Variants in SLC24A2 observed in about 807,000 individuals in gnomAD.
SLC24A2 encodes the protein sodium/potassium/calcium exchanger 2.
In SLC24A2, 36 loss-of-function variants were observed where a neutral mutation model predicts 62.0. The observed-to-expected ratio is 0.58, with a 90% confidence interval of 0.44 to 0.77. SLC24A2 has a LOEUF of 0.77. Among genes scored for constraint, SLC24A2 ranks in the 30% least tolerant of loss-of-function variants. The pLI, the probability that SLC24A2 is intolerant of heterozygous loss-of-function variation, is 0.00. For synonymous variants in SLC24A2, 358 were observed against 294.0 expected (o/e 1.22, Z -2.23); for missense variants, 846 against 817.9 (o/e 1.03, Z -0.42).
the SLC24A2 span, among the ~76,000 whole-genome samples, chr9:20,100,758 A>G: frequency 6.6e-6 from 1 of 152,210 alleles, no homozygotes; most frequent in Non-Finnish European, 1.5e-5. Flanking sequence ...TTCATTTCAC[A>G]GTATTTATTT....
chr9:20,104,147 G>GA, the SLC24A2 span, among the ~76,000 whole-genome samples: 2 of 152,108 alleles, frequency 1.3e-5, no homozygotes, highest in African/African-American at 4.8e-5. Flanking sequence ...GAAGTTTAGA[G>GA]AAAAAATAAT....
chr9:19,924,716 G>A, the SLC24A2 span, among the ~76,000 whole-genome samples: 1 of 152,170 alleles, frequency 6.6e-6, no homozygotes, highest in African/African-American at 2.4e-5. Context: ...GTGAATAAAG[G>A]AGGAGAAAAG....
intron 5 of SLC24A2, among the ~76,000 whole-genome samples, chr9:19,594,354 T>TA (rs1470556786): frequency 6.6e-6 from 1 of 152,210 alleles, no homozygotes; most frequent in Non-Finnish European, 1.5e-5. Flanking sequence ...TTAAAAATAA[T>TA]AAGCTGAATA....
At chr9:19,730,879 GTT>G (rs67718224) in intron 2 of SLC24A2, among the ~76,000 whole-genome samples, 7 of 149,038 alleles carry the variant, frequency 4.7e-5, no homozygotes, top group Non-Finnish European at 1.0e-4. Flanking sequence ...TAACTCTTAG[GTT>G]TTTTTTTTTA....
chr9:19,746,277 G>A (rs1250772098), intron 2 of SLC24A2, among the ~76,000 whole-genome samples: 1 of 152,000 alleles, frequency 6.6e-6, no homozygotes, highest in Non-Finnish European at 1.5e-5. Context: ...TTTATCTTTT[G>A]TTCATCAGAG....
At chr9:19,528,956 A>G (rs903665650) in intron 8 of SLC24A2, among the ~76,000 whole-genome samples, 1 of 152,162 alleles carries the variant, frequency 6.6e-6, no homozygotes, top group African/African-American at 2.4e-5. Flanking sequence ...AGAAATAGCC[A>G]AAAAATCAGA....
chr9:20,071,548 C>A, the SLC24A2 span, among the ~76,000 whole-genome samples: 5 of 152,112 alleles, frequency 3.3e-5, no homozygotes, highest in African/African-American at 4.8e-5. Flanking sequence ...CAAAATGTGT[C>A]CATGTTCTAA....
the SLC24A2 span, among the ~76,000 whole-genome samples, chr9:20,041,391 T>A: frequency 3.0e-3 from 450 of 152,380 alleles, 5 homozygotes; most frequent in Non-Finnish European, 2.5e-3. Flanking sequence ...GTCTTGTCTC[T>A]GTTCCGCCTG....
chr9:19,857,469 C>A, the SLC24A2 span, among the ~76,000 whole-genome samples: 6 of 152,192 alleles, frequency 3.9e-5, no homozygotes, highest in Admixed American at 6.5e-5. Context: ...TCTATCACAA[C>A]AATATTCAGT....
chr9:19,603,729 C>T (rs187383252), intron 4 of SLC24A2, among the ~76,000 whole-genome samples: 73 of 152,310 alleles, frequency 4.8e-4, no homozygotes, highest in African/African-American at 1.7e-3. Context: ...GCACCTTTCA[C>T]CTATCTTTCT....
intron 2 of SLC24A2, among the ~76,000 whole-genome samples, chr9:19,738,877 GGGA>G (rs1421727288): frequency 3.9e-5 from 6 of 152,160 alleles, no homozygotes; most frequent in Admixed American, 3.9e-4. Context: ...CCAGCACTTT[GGGA>G]GGCTGAGGCG....
At chr9:19,911,263 C>A in the SLC24A2 span, among the ~76,000 whole-genome samples, 1 of 152,086 alleles carries the variant, frequency 6.6e-6, no homozygotes, top group Admixed American at 6.6e-5. Flanking sequence ...TTTTTTATGG[C>A]TGCATAGTAT....
chr9:19,873,264 TTTC>T, the SLC24A2 span, among the ~76,000 whole-genome samples: 3 of 151,932 alleles, frequency 2.0e-5, no homozygotes, highest in African/African-American at 4.8e-5. Flanking sequence ...CTTCTTTTTC[TTTC>T]TTTTCTCTCT....
At chr9:19,973,318 C>G in the SLC24A2 span, among the ~76,000 whole-genome samples, 1 of 152,222 alleles carries the variant, frequency 6.6e-6, no homozygotes, top group East Asian at 1.9e-4. Flanking sequence ...TCTCTTGCTC[C>G]TTCTGCAACT....
the SLC24A2 span, among the ~76,000 whole-genome samples, chr9:20,011,700 G>C: frequency 6.6e-6 from 1 of 152,056 alleles, no homozygotes; most frequent in Non-Finnish European, 1.5e-5. Context: ...TTTAGGTACA[G>C]GAAGCTCAGA....
the SLC24A2 span, among the ~76,000 whole-genome samples, chr9:20,246,166 T>G: frequency 6.6e-6 from 1 of 152,198 alleles, no homozygotes; most frequent in Admixed American, 6.5e-5. Flanking sequence ...CAGAGAAAGA[T>G]GCACTCATTC....
the SLC24A2 span, among the ~76,000 whole-genome samples, chr9:20,303,532 G>A: frequency 6.6e-6 from 1 of 152,128 alleles, no homozygotes; most frequent in African/African-American, 2.4e-5. Flanking sequence ...TAGTTTAAGG[G>A]CCACAAAAGA....
intron 2 of SLC24A2, among the ~76,000 whole-genome samples, chr9:19,685,505 A>G (rs1453506177): frequency 6.6e-6 from 1 of 152,162 alleles, no homozygotes; most frequent in East Asian, 1.9e-4. Context: ...ATCTAACTTC[A>G]AACTATACTA....
At chr9:19,658,550 G>A (rs1819006162) in intron 2 of SLC24A2, among the ~76,000 whole-genome samples, 1 of 152,200 alleles carries the variant, frequency 6.6e-6, no homozygotes, top group Non-Finnish European at 1.5e-5. Context: ...CCAGTTTACA[G>A]CCAGGAAAAC....
Sources: allele counts gnomAD v4.1 joint callset (sites outside exome capture counted in the v4.1 genomes callset), GRCh38; gene constraint gnomAD v4.1.1; transcripts MANE v1.5; gene names NCBI Gene and HGNC (gene_info 2026-07-23, HGNC 2026-07-21).